The following FGF14 variants were observed in gnomAD, a reference collection of about 807,000 sequenced individuals.
FGF14 encodes the protein fibroblast growth factor homologous factor 4.
In FGF14, 5 loss-of-function variants were observed where a neutral mutation model predicts 25.5. The ratio of observed to expected loss-of-function variants is 0.20; its 90% CI spans 0.10 to 0.41. The LOEUF is 0.41. Ranked by LOEUF, FGF14 falls within the 10% of genes least tolerant of loss-of-function variation. The pLI is 1.00. For synonymous variants in FGF14, 138 were observed against 118.3 expected, an observed-to-expected ratio of 1.17 and a Z score of -1.08; for missense variants, 222 against 320.1, an observed-to-expected ratio of 0.69 and a Z score of 2.34.
At chr13:101,883,492 G>C (rs983551045) in intron 1 of FGF14, among the ~76,000 whole-genome samples, 1 of 152,154 alleles carries the variant, frequency 6.6e-6, no homozygotes, top group African/African-American at 2.4e-5. Context: ...GTTTTGTTAG[G>C]AGCTGAGAGG....
chr13:102,280,284 G>A (rs2053763229), intron 1 of FGF14, among the ~76,000 whole-genome samples: 1 of 152,138 alleles, frequency 6.6e-6, no homozygotes, highest in South Asian at 2.1e-4. Context: ...CATTTTAACA[G>A]CTGGTACCAG....
intron 1 of FGF14, among the ~76,000 whole-genome samples, chr13:102,236,279 G>C (rs879639016): frequency 6.6e-6 from 1 of 152,170 alleles, no homozygotes; most frequent in Non-Finnish European, 1.5e-5. Flanking sequence ...CTTGGGGTCT[G>C]GATCAGGACC....
intron 3 of FGF14, among the ~76,000 whole-genome samples, chr13:101,843,305 G>A (rs1181563980): frequency 1.3e-5 from 2 of 151,912 alleles, no homozygotes; most frequent in Admixed American, 6.6e-5. Flanking sequence ...GCATTTAGGG[G>A]GCGATGTGTA....
chr13:102,092,720 A>G (rs1000246174), intron 1 of FGF14, among the ~76,000 whole-genome samples: 3 of 152,254 alleles, frequency 2.0e-5, no homozygotes, highest in Non-Finnish European at 2.9e-5. Context: ...TAATCATATT[A>G]TAATACATAA....
At chr13:102,076,600 A>G (rs1180890027) in intron 1 of FGF14, among the ~76,000 whole-genome samples, 1 of 152,216 alleles carries the variant, frequency 6.6e-6, no homozygotes, top group East Asian at 1.9e-4. Flanking sequence ...AAAAACTGTA[A>G]AACATTGATG....
At chr13:101,768,002 T>G (rs1284592488) in intron 3 of FGF14, among the ~76,000 whole-genome samples, 1 of 152,184 alleles carries the variant, frequency 6.6e-6, no homozygotes, top group African/African-American at 2.4e-5. Context: ...TTGTATTTCA[T>G]TGTTTTCATA....
intron 1 of FGF14, among the ~76,000 whole-genome samples, chr13:102,306,047 C>A (rs573738396): frequency 6.6e-6 from 1 of 152,150 alleles, no homozygotes; most frequent in East Asian, 1.9e-4. Flanking sequence ...ATATACAACT[C>A]ATTTTGTCGG....
chr13:102,010,515 T>A (rs1213095905), intron 1 of FGF14, among the ~76,000 whole-genome samples: 1 of 152,208 alleles, frequency 6.6e-6, no homozygotes, highest in Non-Finnish European at 1.5e-5. Flanking sequence ...GTTTATTTTT[T>A]ATAAAGACAA....
intron 1 of FGF14, among the ~76,000 whole-genome samples, chr13:102,334,325 C>A (rs1406246067): frequency 6.6e-6 from 1 of 152,112 alleles, no homozygotes; most frequent in East Asian, 1.9e-4. Context: ...AAGAAAAATG[C>A]ACGTTGCTTA....
At chr13:102,290,498 C>T (rs951104960) in intron 1 of FGF14, among the ~76,000 whole-genome samples, 1 of 152,154 alleles carries the variant, frequency 6.6e-6, no homozygotes, top group Non-Finnish European at 1.5e-5. Flanking sequence ...ATTGTCACTG[C>T]TACCTTCCTG....
intron 1 of FGF14, among the ~76,000 whole-genome samples, chr13:102,023,391 TATAGAGCTCTTA>T (rs1325378285): frequency 1.6e-4 from 24 of 152,220 alleles, no homozygotes; most frequent in East Asian, 1.4e-3. Context: ...CATCTCATGG[TATAGAGCTCTTA>T]ATAGAGCTCT....
At chr13:102,127,669 T>C (rs2046005651) in intron 1 of FGF14, among the ~76,000 whole-genome samples, 1 of 152,214 alleles carries the variant, frequency 6.6e-6, no homozygotes. Context: ...GTTACAAGTG[T>C]TAAATTCATA....
intron 3 of FGF14, among the ~76,000 whole-genome samples, chr13:101,840,978 A>C (rs2043166746): frequency 6.6e-6 from 1 of 151,944 alleles, no homozygotes; most frequent in South Asian, 2.1e-4. Context: ...GGAAATTTAC[A>C]ATCTCAAGTG....
intron 1 of FGF14, among the ~76,000 whole-genome samples, chr13:102,008,510 T>C (rs927572407): frequency 2.0e-5 from 3 of 152,236 alleles, no homozygotes; most frequent in African/African-American, 7.2e-5. Flanking sequence ...AGACTTGACA[T>C]CTTGCACTGG....
chr13:101,848,811 T>C (rs2043596381), intron 3 of FGF14, among the ~76,000 whole-genome samples: 1 of 152,050 alleles, frequency 6.6e-6, no homozygotes, highest in Admixed American at 6.6e-5. Context: ...TCAGTATTTT[T>C]ACAACTTTTC....
At chr13:101,781,124 CTCTT>C (rs528237216) in intron 3 of FGF14, among the ~76,000 whole-genome samples, 41 of 129,312 alleles carry the variant, frequency 3.2e-4, no homozygotes, top group Middle Eastern at 3.7e-3. Flanking sequence ...CCCCTGCTCT[CTCTT>C]TGTCTTTGTC....
Position 102,074,372 on chromosome 13 carries a change from T to C in FGF14, c.209-199076A>G, listed in dbSNP as rs1595182582. 2.6e-5 allele frequency among the ~76,000 whole-genome samples: 4 copies of C among 152,284 alleles called. No individual in the cohort carries two copies. The South Asian group carries it at 6.2e-4, about 24-fold the overall frequency. On this transcript the variant is annotated intron_variant, in intron 1 of 4. Coordinates refer to the FGF14 transcript ENST00000376131. ...TGTTCCTGGGGGAAAAATATCGTAT[T>C]CTTTCACCCAACTCCCTACCTGGCG...
chr13:102,080,257 T>C (rs1238834294), intron 1 of FGF14, among the ~76,000 whole-genome samples: 1 of 152,138 alleles, frequency 6.6e-6, no homozygotes, highest in African/African-American at 2.4e-5. Flanking sequence ...GACGATGACT[T>C]GGGCTGGAGT....
intron 1 of FGF14, among the ~76,000 whole-genome samples, chr13:102,340,408 T>C (rs947428401): frequency 7.9e-5 from 12 of 151,868 alleles, no homozygotes; most frequent in African/African-American, 2.9e-4. Context: ...AGCTATTCTT[T>C]GCCCGCACAT....
Sources: allele counts gnomAD v4.1 joint callset (sites outside exome capture counted in the v4.1 genomes callset), GRCh38; gene constraint gnomAD v4.1.1; transcripts MANE v1.5; gene names NCBI Gene and HGNC (gene_info 2026-07-23, HGNC 2026-07-21).